The following CSGALNACT1 variants were observed in gnomAD, a reference collection of about 807,000 sequenced individuals.
The protein encoded by CSGALNACT1 is beta4GalNAcT-1.
Under a neutral mutation model 51.0 loss-of-function variants are expected in CSGALNACT1, and 52 were observed. The observed-to-expected ratio is 1.02, with a 90% CI of 0.82 to 1.29. The LOEUF (loss-of-function observed/expected upper bound fraction) is 1.29, where lower values mean the gene tolerates loss of function less well. Among genes scored for constraint, CSGALNACT1 ranks in the 50% most tolerant of loss-of-function variants. The pLI is 0.00. For synonymous variants in CSGALNACT1, 341 were observed against 254.4 expected (o/e 1.34, Z -3.24); for missense variants, 935 against 679.2 (o/e 1.38, Z -4.19).
In CSGALNACT1 at chr8:19,523,655, C is replaced by T. The variant is rs568023148; in HGVS notation, c.-296-17525G>A. 3.9e-5 allele frequency among the ~76,000 whole-genome samples: 6 copies of T among 152,220 alleles called. 1 individual carries two copies. Among genetic ancestry groups the T allele is most frequent in the African/African-American group, 1.2e-4 (5 of 41,528 alleles). On this transcript the variant is annotated intron_variant, in intron 3 of 9. Coordinates refer to ENST00000454498, the Ensembl canonical transcript of CSGALNACT1. ...AGCATTCAGTAAATAATGTTATAAACAATGTGAATTGTATTCACGTAATCA... is the reference window on the plus strand; with the variant it reads ...AGCATTCAGTAAATAATGTTATAAATAATGTGAATTGTATTCACGTAATCA...
intron 1 of CSGALNACT1, among the ~76,000 whole-genome samples, chr8:19,739,976 C>T (rs968865055): frequency 5.9e-5 from 9 of 152,186 alleles, no homozygotes; most frequent in African/African-American, 2.2e-4. Context: ...TTCTCTCTTT[C>T]TTATGGGTAC....
intron 9 of CSGALNACT1, among the ~76,000 whole-genome samples, chr8:19,408,126 C>T (rs1448900542): frequency 2.0e-5 from 3 of 152,114 alleles, no homozygotes; most frequent in South Asian, 4.1e-4. Flanking sequence ...GCAGCCAGGA[C>T]CCCGCTGGGA....
chr8:19,583,937 C>G (rs1219200937), intron 3 of CSGALNACT1, among the ~76,000 whole-genome samples: 3 of 152,214 alleles, frequency 2.0e-5, no homozygotes, highest in East Asian at 3.8e-4. Context: ...AGCCATCACT[C>G]TATGCACCCT....
At chr8:19,537,405 A>G (rs933291589) in intron 3 of CSGALNACT1, among the ~76,000 whole-genome samples, 6 of 152,156 alleles carry the variant, frequency 3.9e-5, no homozygotes, top group African/African-American at 1.2e-4. Context: ...TAAGGCTGCC[A>G]TTTTTTAAAG....
intron 3 of CSGALNACT1, among the ~76,000 whole-genome samples, chr8:19,578,656 C>A (rs139596196): frequency 1.3e-5 from 2 of 152,020 alleles, no homozygotes; most frequent in African/African-American, 4.8e-5. Flanking sequence ...GCGCTACCCA[C>A]CTCCCTCTAG....
intron 1 of CSGALNACT1, among the ~76,000 whole-genome samples, chr8:19,695,057 A>G (rs575306159): frequency 1.2e-3 from 182 of 152,280 alleles, no homozygotes; most frequent in Non-Finnish European, 1.9e-3. Context: ...TTGTATTTGG[A>G]TGCTGAGAGA....
intron 6 of CSGALNACT1, among the ~76,000 whole-genome samples, chr8:19,422,629 T>C (rs1054562673): frequency 6.6e-6 from 1 of 152,222 alleles, no homozygotes; most frequent in Admixed American, 6.5e-5. Flanking sequence ...GCATTGAAGT[T>C]ATGCTCAAAA....
chr8:19,729,529 G>A (rs955924813), intron 1 of CSGALNACT1, among the ~76,000 whole-genome samples: 2 of 152,306 alleles, frequency 1.3e-5, no homozygotes, highest in Admixed American at 6.5e-5. Context: ...CTGGGATGCT[G>A]TAGAGAGGTT....
Position 19,629,776 on chromosome 8 carries a change from G to A in CSGALNACT1, c.-543-27911C>T, listed in dbSNP as rs529865806. On this transcript the variant is annotated intron_variant, in intron 1 of 9. Coordinates refer to the CSGALNACT1 transcript ENST00000332246. ...CATCTCAATCAAGCCCTTCTTTCAG[G>A]AGCTCCATTTTGTCCAGTAAGGAAA... Among the ~76,000 whole-genome samples the A allele has an allele frequency of 3.9e-5, 6 of 152,210 alleles. No homozygotes were observed. In the South Asian group the frequency reaches 1.2e-3, roughly 32 times the overall value.
rs2066015112 is a variant in CSGALNACT1 at position 19,463,562 on chromosome 8, G to C, written c.635-4920C>G. ...ATTCCAAGGCAGGAATGGTTTTTCA[G>C]CCAGTAAGCTGACACATGCAAATGG... On this transcript the variant is annotated intron_variant, in intron 4 of 9. Coordinates refer to ENST00000454498, the Ensembl canonical transcript of CSGALNACT1. 2.0e-5 allele frequency among the ~76,000 whole-genome samples: 3 copies of C among 152,194 alleles called. No individual in the cohort carries two copies. The South Asian group carries it at 6.2e-4, about 32-fold the overall frequency.
rs118043416 is a variant in CSGALNACT1, at chr8:19,618,145, G to A, written c.-543-16280C>T. The stretch of plus-strand genomic sequence containing the variant: ...CCTTCTGCCTCACCCCCCCGACAAA[G>A]CACTGTGATTACAGACAATATTACT... On this transcript the variant is annotated intron_variant, in intron 1 of 9. Coordinates refer to the CSGALNACT1 transcript ENST00000332246. 5.1e-3 allele frequency among the ~76,000 whole-genome samples: 774 copies of A among 152,012 alleles called. 5 individuals carry two copies. The highest frequency in any genetic ancestry group is 8.1e-3 in the Non-Finnish European group (548 of 67,986).
At chr8:19,630,593 T>G (rs1274237973) in intron 1 of CSGALNACT1, among the ~76,000 whole-genome samples, 1 of 152,224 alleles carries the variant, frequency 6.6e-6, no homozygotes, top group Non-Finnish European at 1.5e-5. Flanking sequence ...TCAGGCAGCA[T>G]AATGTTACTG....
upstream of CSGALNACT1, among the ~76,000 whole-genome samples, chr8:19,607,170 G>C (rs1300083743): frequency 6.7e-6 from 1 of 149,696 alleles, no homozygotes; most frequent in African/African-American, 2.5e-5. Context: ...AAAAAAAAAA[G>C]ATTTACCAAG....
At chr8:19,602,032 T>C in exon 1 of CSGALNACT1, 1 of 333,742 alleles carries the variant, frequency 3.0e-6, no homozygotes, top group Admixed American at 4.0e-5. Flanking sequence ...CCTGTTTCAA[T>C]GAATAAAATG....
chr8:19,730,304 C>T (rs928248312), intron 1 of CSGALNACT1, among the ~76,000 whole-genome samples: 7 of 152,184 alleles, frequency 4.6e-5, no homozygotes, highest in Non-Finnish European at 1.0e-4. Context: ...GGGAATAGGA[C>T]ACGTAGCTCC....
At chr8:19,599,936 A>T (rs1271956071) in intron 2 of CSGALNACT1, among the ~76,000 whole-genome samples, 1 of 152,216 alleles carries the variant, frequency 6.6e-6, no homozygotes, top group African/African-American at 2.4e-5. Context: ...GGATCCCAGC[A>T]AGGGGAGTTA....
chr8:19,684,032 G>A (rs377586235), upstream of CSGALNACT1, among the ~76,000 whole-genome samples: 473 of 152,188 alleles, frequency 3.1e-3, 1 homozygote, highest in African/African-American at 0.01. Context: ...CGGGTATGGC[G>A]GCACACACCT....
chr8:19,749,054 A>C (rs2064867470), intron 1 of CSGALNACT1, among the ~76,000 whole-genome samples: 1 of 151,804 alleles, frequency 6.6e-6, no homozygotes, highest in South Asian at 2.1e-4. Flanking sequence ...AGGCCCATTC[A>C]CCAGGGGTGC....
Position 19,436,938 on chromosome 8 carries a change from G to A in CSGALNACT1, c.953+2892C>T, listed in dbSNP as rs1005399400. On this transcript the variant is annotated intron_variant, in intron 6 of 9. Coordinates refer to ENST00000454498, the Ensembl canonical transcript of CSGALNACT1. ...AAATATACAAAACACATTACTATGT[G>A]CACAAATTTACTATATACCTGGCAT... Among the ~76,000 whole-genome samples the A allele has an allele frequency of 2.6e-5, 4 of 152,134 alleles. No homozygotes were observed. In the East Asian group the frequency reaches 5.8e-4, roughly 22 times the overall value.
Sources: gnomAD v4.1 joint callset for allele counts (sites outside exome capture counted in the v4.1 genomes callset) on GRCh38, gnomAD v4.1.1 for gene constraint, MANE v1.5 for transcripts, NCBI Gene and HGNC (gene_info 2026-07-23, HGNC 2026-07-21) for gene names.